INTS15: variants seen among roughly 807,000 people sequenced by gnomAD.
INTS15 encodes uncharacterized protein C7orf26.
the INTS15 span, chr7:6,602,298 A>G: frequency 3.4e-6 from 2 of 590,218 alleles, no homozygotes; most frequent in African/African-American, 1.9e-5. Context: ...ATGGAACTCA[A>G]GTAGAAAGTA....
chr7:6,606,948 G>A, the INTS15 span, among the ~76,000 whole-genome samples: 2 of 152,104 alleles, frequency 1.3e-5, no homozygotes, highest in African/African-American at 2.4e-5. Flanking sequence ...GCGTCAAGCA[G>A]TCGGCCTCCA....
chr7:6,604,825 G>A, the INTS15 span, among the ~76,000 whole-genome samples: 5 of 152,308 alleles, frequency 3.3e-5, no homozygotes, highest in African/African-American at 9.6e-5. Context: ...GGGAGGAGCC[G>A]GGGCAGATGT....
the INTS15 span, chr7:6,602,802 C>T: frequency 2.1e-6 from 1 of 468,348 alleles, no homozygotes; most frequent in South Asian, 1.6e-5. Flanking sequence ...CGGGCCTTGC[C>T]ACTTCCAAAA....
chr7:6,593,679 C>T, the INTS15 span, among the ~76,000 whole-genome samples: 7 of 137,332 alleles, frequency 5.1e-5, no homozygotes, highest in Non-Finnish European at 1.5e-5. Context: ...GACGGTCTTG[C>T]TCTGTTGCTC....
At chr7:6,594,853 T>C in the INTS15 span, among the ~76,000 whole-genome samples, 2 of 152,086 alleles carry the variant, frequency 1.3e-5, no homozygotes, top group African/African-American at 2.4e-5. Context: ...CCCGAGTAGC[T>C]AGGACTATAG....
the INTS15 span, among the ~76,000 whole-genome samples, chr7:6,593,334 T>C: frequency 2.0e-5 from 3 of 150,614 alleles, no homozygotes; most frequent in Non-Finnish European, 4.4e-5. Flanking sequence ...CGGTGGTTTT[T>C]TTTTTTTTTT....
the INTS15 span, among the ~76,000 whole-genome samples, chr7:6,595,707 C>G: frequency 6.6e-6 from 1 of 152,134 alleles, no homozygotes; most frequent in Admixed American, 6.6e-5. Flanking sequence ...GATATAGAAT[C>G]TTGCTCTGTT....
At chr7:6,594,787 C>G in the INTS15 span, among the ~76,000 whole-genome samples, 5 of 152,182 alleles carry the variant, frequency 3.3e-5, no homozygotes, top group Non-Finnish European at 7.4e-5. Context: ...GTGGTGTTAT[C>G]TCAGCTCACT....
At chr7:6,591,471 G>A in the INTS15 span, among the ~76,000 whole-genome samples, 2 of 151,296 alleles carry the variant, frequency 1.3e-5, no homozygotes, top group Non-Finnish European at 2.9e-5. Context: ...TCACCATGTT[G>A]GCCAGGCTGG....
At chr7:6,596,828 G>T in the INTS15 span, among the ~76,000 whole-genome samples, 1 of 152,164 alleles carries the variant, frequency 6.6e-6, no homozygotes, top group East Asian at 1.9e-4. Flanking sequence ...TGTCGCCCAG[G>T]CTGGAGTGCA....
At chr7:6,596,735 A>G in the INTS15 span, among the ~76,000 whole-genome samples, 1 of 151,694 alleles carries the variant, frequency 6.6e-6, no homozygotes, top group Admixed American at 6.6e-5. Flanking sequence ...GTGTGGAAAT[A>G]TTGTGAACAT....
the INTS15 span, chr7:6,591,552 C>G: frequency 8.6e-7 from 1 of 1,162,054 alleles, no homozygotes; most frequent in Non-Finnish European, 1.3e-6. Flanking sequence ...GCATGAGCCA[C>G]CGCGCCCAGT....
the INTS15 span, chr7:6,591,964 G>A: frequency 9.0e-7 from 1 of 1,112,590 alleles, no homozygotes; most frequent in Non-Finnish European, 1.3e-6. Context: ...TTGAGGTCAG[G>A]GGTTCAAGAC....
chr7:6,603,165 A>C, the INTS15 span, among the ~76,000 whole-genome samples: 2 of 152,004 alleles, frequency 1.3e-5, no homozygotes, highest in African/African-American at 4.8e-5. Flanking sequence ...CAGGAGAATC[A>C]CTTGAACCCG....
At chr7:6,599,114 G>C in the INTS15 span, among the ~76,000 whole-genome samples, 902 of 152,222 alleles carry the variant, frequency 5.9e-3, 7 homozygotes, top group African/African-American at 0.02. Context: ...GAAATCACTT[G>C]ACATGACTGT....
the INTS15 span, chr7:6,600,140 C>G: frequency 5.6e-6 from 9 of 1,614,238 alleles, no homozygotes; most frequent in South Asian, 7.7e-5. Context: ...CCTGCAAGTG[C>G]TCATGACGCT....
the INTS15 span, among the ~76,000 whole-genome samples, chr7:6,593,113 C>G: frequency 0.023 from 3,535 of 152,238 alleles, 66 homozygotes; most frequent in Middle Eastern, 0.051. Context: ...CCTAAGTAAA[C>G]TGTAAAGCAA....
At chr7:6,600,578 C>T in the INTS15 span, among the ~76,000 whole-genome samples, 1 of 152,178 alleles carries the variant, frequency 6.6e-6, no homozygotes, top group Admixed American at 6.5e-5. Flanking sequence ...GTCTCAGTGT[C>T]GCCCAGGACT....
the INTS15 span, chr7:6,608,255 G>A: frequency 6.7e-7 from 1 of 1,495,454 alleles, no homozygotes; most frequent in South Asian, 1.3e-5. Context: ...TCGGGGAAGG[G>A]GTCGGGCAGC....
Sources: allele counts gnomAD v4.1 joint callset (sites outside exome capture counted in the v4.1 genomes callset), GRCh38; gene constraint gnomAD v4.1.1; transcripts MANE v1.5; gene names NCBI Gene and HGNC (gene_info 2026-07-23, HGNC 2026-07-21).